The following UBE2Q2 variants were observed in gnomAD, a reference collection of about 807,000 sequenced individuals.
UBE2Q2 encodes the protein ubiquitin conjugating enzyme E2 Q2, also known as ubiquitin-conjugating enzyme E2 Q2.
Under a neutral mutation model 59.9 loss-of-function variants are expected in UBE2Q2, and 54 were observed. That is an observed-to-expected ratio of 0.90 (90% CI 0.72 to 1.13). The LOEUF is 1.13. Among genes scored for constraint, UBE2Q2 ranks in the 50% most tolerant of loss-of-function variants. The pLI, the probability that UBE2Q2 is intolerant of heterozygous loss-of-function variation, is 0.00. For missense variants in UBE2Q2, 433 were observed against 441.9 expected (o/e 0.98, Z 0.18); for synonymous variants, 165 against 155.2 (o/e 1.06, Z -0.47).
intron 3 of UBE2Q2, among the ~76,000 whole-genome samples, chr15:75,866,013 C>G (rs1595871924): frequency 6.6e-6 from 1 of 152,140 alleles, no homozygotes; most frequent in African/African-American, 2.4e-5. Flanking sequence ...ATAATTGAGT[C>G]TATTCCCAGT....
At chr15:75,859,615 G>A (rs1450714040) in intron 2 of UBE2Q2, among the ~76,000 whole-genome samples, 3 of 152,188 alleles carry the variant, frequency 2.0e-5, no homozygotes, top group Non-Finnish European at 4.4e-5. Context: ...ATTGGACAAT[G>A]TCTGGAACTT....
chr15:75,883,436 T>G lies in UBE2Q2; in HGVS notation c.884+12T>G, dbSNP rs1451288473. On this transcript the variant is annotated intron_variant, in intron 9 of 12. Coordinates refer to ENST00000267938, the MANE Select transcript of UBE2Q2 (RefSeq NM_173469.4). The stretch of plus-strand genomic sequence containing the variant: ...GTTCTCTCAGGAGGGTAAGTTTAAG[T>G]GACTACTTAAAAAGAAATTTTTTTC... 6.2e-7 allele frequency: 1 copy of G among 1,604,222 alleles called. No individual in the cohort carries two copies. The highest frequency in any genetic ancestry group is 1.7e-5 in the Admixed American group (1 of 58,158).
chr15:75,848,405 A>G (rs1397487190), intron 1 of UBE2Q2, among the ~76,000 whole-genome samples: 3 of 152,242 alleles, frequency 2.0e-5, no homozygotes, highest in Admixed American at 6.5e-5. Flanking sequence ...CCTGGGACAG[A>G]TTACCTTTCC....
intron 2 of UBE2Q2, among the ~76,000 whole-genome samples, 200 bp from the exon 3 acceptor site, chr15:75,859,678 A>T (rs1207309046): frequency 6.6e-6 from 1 of 152,214 alleles, no homozygotes; most frequent in African/African-American, 2.4e-5. Flanking sequence ...TGTAGTGATT[A>T]TACCCCAAGC....
chr15:75,895,463 G>A (rs1899359042), intron 11 of UBE2Q2, among the ~76,000 whole-genome samples: 1 of 151,950 alleles, frequency 6.6e-6, no homozygotes, highest in South Asian at 2.1e-4. Flanking sequence ...GATTACAGGT[G>A]TGAGCCACCG....
At chr15:75,875,112 T>C (rs183387747) in intron 5 of UBE2Q2, among the ~76,000 whole-genome samples, 8 of 152,358 alleles carry the variant, frequency 5.3e-5, no homozygotes, top group Admixed American at 5.2e-4. Flanking sequence ...GTTTGAGTTA[T>C]AGTCAAAACA....
intron 3 of UBE2Q2, 58 bp from the exon 4 acceptor site, chr15:75,868,893 T>A (rs1897639267): frequency 2.0e-6 from 3 of 1,499,048 alleles, no homozygotes; most frequent in Non-Finnish European, 2.8e-6. Context: ...TCTTCTAATG[T>A]ACTCAGCCTG....
chr15:75,856,088 G>A (rs1896888459), intron 2 of UBE2Q2, among the ~76,000 whole-genome samples: 1 of 152,074 alleles, frequency 6.6e-6, no homozygotes, highest in Non-Finnish European at 1.5e-5. Context: ...TGAGGAGGCT[G>A]AGGTGGGAGG....
At chr15:75,869,711 T>A (rs1178765853) in intron 4 of UBE2Q2, among the ~76,000 whole-genome samples, 2 of 152,220 alleles carry the variant, frequency 1.3e-5, no homozygotes, top group Non-Finnish European at 2.9e-5. Flanking sequence ...TTAAAGGTCC[T>A]ACCTCTTAAT....
chr15:75,845,497 G>C (rs1251134486), intron 1 of UBE2Q2, among the ~76,000 whole-genome samples: 1 of 152,188 alleles, frequency 6.6e-6, no homozygotes, highest in Non-Finnish European at 1.5e-5. Flanking sequence ...AGAAGTTGGG[G>C]CATGGCCACG....
chr15:75,848,410 C>T (rs1807837888), intron 1 of UBE2Q2, among the ~76,000 whole-genome samples: 1 of 152,194 alleles, frequency 6.6e-6, no homozygotes, highest in African/African-American at 2.4e-5. Context: ...GACAGATTAC[C>T]TTTCCAAATT....
chr15:75,860,510 T>C (rs1023749129), intron 3 of UBE2Q2, among the ~76,000 whole-genome samples: 1 of 152,058 alleles, frequency 6.6e-6, no homozygotes, highest in South Asian at 2.1e-4. Flanking sequence ...ACCACTCACC[T>C]CCCCTTCCTC....
intron 3 of UBE2Q2, among the ~76,000 whole-genome samples, chr15:75,864,121 T>A (rs1897333280): frequency 6.6e-6 from 1 of 152,334 alleles, no homozygotes; most frequent in South Asian, 2.1e-4. Context: ...ACCGTTAGAA[T>A]GGATATGGTA....
At chr15:75,869,959 T>A (rs542135489) in intron 4 of UBE2Q2, among the ~76,000 whole-genome samples, 38 of 152,054 alleles carry the variant, frequency 2.5e-4, no homozygotes, top group East Asian at 9.6e-4. Context: ...TAAAAAAAAA[T>A]TTTTTTTTCT....
chr15:75,890,796 C>G (rs1013270128), intron 10 of UBE2Q2, 123 bp from the exon 11 acceptor site: 10 of 826,530 alleles, frequency 1.2e-5, no homozygotes, highest in Non-Finnish European at 1.9e-5. Flanking sequence ...TTACTTTTTC[C>G]CCTTGACTAC....
intron 10 of UBE2Q2, 138 bp from the exon 11 acceptor site, chr15:75,890,781 C>A (rs1899054622): frequency 2.7e-6 from 2 of 752,438 alleles, no homozygotes; most frequent in Admixed American, 3.0e-5. Context: ...GGAAATGTTC[C>A]AATTTTACTT....
chr15:75,888,128 T>C (rs945985090), intron 9 of UBE2Q2, among the ~76,000 whole-genome samples: 7 of 152,228 alleles, frequency 4.6e-5, no homozygotes, highest in Non-Finnish European at 4.4e-5. Flanking sequence ...CGCTTCGAAG[T>C]GTACAATTTG....
intron 1 of UBE2Q2, among the ~76,000 whole-genome samples, chr15:75,847,983 C>G (rs1204117739): frequency 6.6e-6 from 1 of 152,042 alleles, no homozygotes; most frequent in East Asian, 1.9e-4. Context: ...AGTGCCTACC[C>G]CCAACAGCAA....
chr15:75,886,716 G>A (rs1198438607), intron 9 of UBE2Q2, among the ~76,000 whole-genome samples: 3 of 151,942 alleles, frequency 2.0e-5, no homozygotes, highest in African/African-American at 2.4e-5. Context: ...GCAAAACCCC[G>A]TCTCTACTAA....
Sources: allele counts gnomAD v4.1 joint callset (sites outside exome capture counted in the v4.1 genomes callset), GRCh38; gene constraint gnomAD v4.1.1; transcripts MANE v1.5; gene names NCBI Gene and HGNC (gene_info 2026-07-23, HGNC 2026-07-21).